Variants in PRKCZ observed in about 807,000 individuals in gnomAD.
The protein encoded by PRKCZ is protein kinase C zeta type.
Under a neutral mutation model 79.5 loss-of-function variants are expected in PRKCZ, and 33 were observed. The observed-to-expected ratio is 0.41, with a 90% CI of 0.31 to 0.55. The LOEUF is 0.55. Ranked by LOEUF, PRKCZ falls within the 20% of genes least tolerant of loss-of-function variation. The pLI is 0.19. For missense variants in PRKCZ, 578 were observed against 813.5 expected (o/e 0.71, Z 3.52); for synonymous variants, 342 against 320.9 (o/e 1.07, Z -0.70).
chr1:2,151,093 G>A, intron 9 of PRKCZ, 115 bp downstream of exon 9: 1 of 1,287,916 alleles, frequency 7.8e-7, no homozygotes. Flanking sequence ...CGTTGACGGA[G>A]TTTGTGCAAA....
At chr1:2,123,424 T>C (rs183816139) in intron 4 of PRKCZ, among the ~76,000 whole-genome samples, 4 of 4,902 alleles carry the variant, frequency 8.2e-4, no homozygotes, top group Non-Finnish European at 1.2e-3. Context: ...TGGTTAGGGT[T>C]GTGGTGGTTA....
chr1:2,098,110 C>CAGGTGACCAGGAGTAACTA (rs55716481), intron 4 of PRKCZ, among the ~76,000 whole-genome samples: 1 of 151,690 alleles, frequency 6.6e-6, no homozygotes, highest in South Asian at 2.1e-4. Flanking sequence ...AAGGTCAGAG[C>CAGGTGACCAGGAGTAACTA]AGGTGACCAG....
At chr1:2,181,130 T>C (rs541502334) in intron 16 of PRKCZ, among the ~76,000 whole-genome samples, 2 of 106,446 alleles carry the variant, frequency 1.9e-5, no homozygotes, top group East Asian at 6.1e-4. Context: ...GCATCCTGCC[T>C]GGCCCTACGG....
intron 4 of PRKCZ, among the ~76,000 whole-genome samples, chr1:2,133,483 C>T (rs1203814637): frequency 7.3e-5 from 11 of 149,922 alleles, no homozygotes; most frequent in African/African-American, 2.7e-4. Flanking sequence ...GCGCCCGCCC[C>T]TTGGTTCCAC....
At chr1:2,096,285 CCT>C (rs1337174288) in intron 4 of PRKCZ, among the ~76,000 whole-genome samples, 2 of 151,844 alleles carry the variant, frequency 1.3e-5, no homozygotes, top group African/African-American at 4.8e-5. Flanking sequence ...ATGATCGGTC[CCT>C]GAGTGTCACG....
intron 4 of PRKCZ, among the ~76,000 whole-genome samples, chr1:2,114,443 A>G (rs3128337): frequency 0.65 from 99,361 of 152,234 alleles, 32,846 homozygotes; most frequent in African/African-American, 0.77. Flanking sequence ...TTCAGCTCAC[A>G]AAAGTTAAGC....
chr1:2,170,832 T>C (rs1557731887), intron 11 of PRKCZ, among the ~76,000 whole-genome samples: 3 of 152,212 alleles, frequency 2.0e-5, no homozygotes, highest in Admixed American at 2.0e-4. Context: ...TTGCCTTCCT[T>C]TTTCAGGCTG....
Position 2,118,713 on chromosome 1 carries a change from CTG to C in PRKCZ, c.335-16508_335-16507del, listed in dbSNP as rs770283606. 6.7e-3 allele frequency among the ~76,000 whole-genome samples: 808 copies of C among 120,716 alleles called. 6 individuals are homozygous for C. The highest frequency in any genetic ancestry group is 0.015 in the South Asian group (45 of 3,098). The allele number at this position is 120,716 out of a possible 152,430, so 79.2% of individuals were successfully genotyped here. A position where few individuals can be genotyped will look rare whatever the true frequency, so the allele number is the denominator to read the frequency against. On this transcript the variant is annotated intron_variant, in intron 4 of 17. Coordinates refer to ENST00000378567, the MANE Select transcript of PRKCZ (RefSeq NM_002744.6). ...TGATGTTAGTGTGACCACACCAGCT[CTG>C]TGTGTGTGTGTGTGTGTGTGTGTGT...
intron 6 of PRKCZ, 28 bp downstream of exon 6, chr1:2,144,369 G>C (rs1678042931): frequency 1.3e-6 from 2 of 1,555,496 alleles, no homozygotes; most frequent in East Asian, 4.7e-5. Flanking sequence ...GGAGGCCCGG[G>C]GGGCACGGGC....
chr1:2,094,411 C>T lies in PRKCZ; in HGVS notation c.334+34820C>T, dbSNP rs1256952262. ...TCTGAGGCGCCCGCTGTGCCCGGCT[C>T]GTTGAACCTTGGGCGCTGCCCGTTC... On this transcript the variant is annotated intron_variant, in intron 4 of 17. Transcript: ENST00000378567. This position sits in a 1 kb window ranked among gnomAD's most constrained non-coding sequence, Gnocchi z 7.3. Among the ~76,000 whole-genome samples, 2 of 151,850 alleles carry T rather than the reference C, an allele frequency of 1.3e-5. No individual in the cohort carries two copies. Among genetic ancestry groups the T allele is most frequent in the African/African-American group, 2.4e-5 (1 of 41,276 alleles).
chr1:2,174,796 T>G lies in PRKCZ; in HGVS notation c.1448T>G (p.Val483Gly). The G allele has an allele frequency of 6.2e-7, 1 of 1,614,128 alleles. No individual in the cohort carries two copies. The highest frequency in any genetic ancestry group is 8.5e-7 in the Non-Finnish European group (1 of 1,180,006). Residue 483 changes from valine to glycine, a missense_variant, in exon 15 of 18, where the codon GTC becomes GGC. By Grantham distance (109) the Val-to-Gly change is moderately radical. Around this residue, in one of 4 missense-constraint regions of PRKCZ, gnomAD observed 243 missense variants for 467.0 expected, o/e 0.52. Transcript: ENST00000378567. The surrounding 1 kb of genome is among the most constrained non-coding windows in gnomAD (Gnocchi z 6.2). Reference protein sequence around the residue: ...KPIRIPRFLSVKASHVLKGFL... With the variant: ...KPIRIPRFLSGKASHVLKGFL... ...ATCCGGATCCCCCGGTTCCTGTCCG[T>G]CAAAGCCTCCCATGTTTTAAAAGGA...
intron 4 of PRKCZ, among the ~76,000 whole-genome samples, chr1:2,093,859 C>T (rs1185195506): frequency 6.6e-6 from 1 of 152,122 alleles, no homozygotes; most frequent in Non-Finnish European, 1.5e-5. Context: ...ACGGGACGAG[C>T]CGAGGATCCC....
At chr1:2,109,965 G>A (rs1230945586) in intron 4 of PRKCZ, among the ~76,000 whole-genome samples, 1 of 152,216 alleles carries the variant, frequency 6.6e-6, no homozygotes, top group Non-Finnish European at 1.5e-5. Flanking sequence ...CTCCAGGGAT[G>A]TCCAGTGTCT....
At chr1:2,113,420 A>G (rs1466308536) in intron 4 of PRKCZ, among the ~76,000 whole-genome samples, 1 of 151,980 alleles carries the variant, frequency 6.6e-6, no homozygotes, top group African/African-American at 2.4e-5. Flanking sequence ...CGGGGCATTC[A>G]TATTTTCTGC....
At chr1:2,092,507 A>G (rs1351178824) in intron 4 of PRKCZ, among the ~76,000 whole-genome samples, 1 of 152,212 alleles carries the variant, frequency 6.6e-6, no homozygotes, top group Admixed American at 6.5e-5. Flanking sequence ...GATAGGCCTC[A>G]GGCAAAGGAA....
intron 4 of PRKCZ, among the ~76,000 whole-genome samples, chr1:2,110,438 G>T (rs1460196093): frequency 6.6e-6 from 1 of 152,068 alleles, no homozygotes; most frequent in Admixed American, 6.6e-5. Context: ...TGGCAGCCCC[G>T]TGGCTCCTGG....
At chr1:2,169,333 G>A (rs974562656) in intron 10 of PRKCZ, 185 bp from the exon 11 acceptor site, 11 of 651,440 alleles carry the variant, frequency 1.7e-5, no homozygotes, top group African/African-American at 1.1e-4. Context: ...CTTCACGAGC[G>A]GCCCCGCAGC....
upstream of PRKCZ, among the ~76,000 whole-genome samples, chr1:2,050,292 C>T (rs1349347148): frequency 2.6e-5 from 4 of 151,608 alleles, no homozygotes; most frequent in Non-Finnish European, 4.4e-5. Flanking sequence ...GGCCGGGTGT[C>T]CCCCGAGGAT....
intron 15 of PRKCZ, 94 bp from the exon 16 acceptor site, chr1:2,175,130 G>C (rs1271349281): frequency 9.3e-7 from 1 of 1,077,836 alleles, no homozygotes; most frequent in Non-Finnish European, 1.4e-6. Context: ...ATCGGGGGAG[G>C]GCTTGTCAGC....
Sources: gnomAD v4.1 joint callset for allele counts (sites outside exome capture counted in the v4.1 genomes callset) on GRCh38, gnomAD v4.1.1 for gene constraint, gnomAD v4.1.1 regional missense constraint, Gnocchi (gnomAD v3.1) non-coding constraint, MANE v1.5 for transcripts, NCBI Gene and HGNC (gene_info 2026-07-23, HGNC 2026-07-21) for gene names.